Variants in LARGE1 observed in about 807,000 individuals in gnomAD.
The protein encoded by LARGE1 is LARGE xylosyl- and glucuronyltransferase 1.
LARGE1 carries 43 observed loss-of-function variants against 87.6 expected under a neutral mutation model. The ratio of observed to expected loss-of-function variants is 0.49; its 90% CI spans 0.38 to 0.63. LARGE1 has a LOEUF of 0.63. LARGE1 is among the 30% of genes least tolerant of loss of function. The pLI, the probability that LARGE1 is intolerant of heterozygous loss-of-function variation, is 0.00. For synonymous variants in LARGE1, 434 were observed against 394.6 expected (o/e 1.10, Z -1.18); for missense variants, 802 against 1,000.2 (o/e 0.80, Z 2.67).
intron 11 of LARGE1, among the ~76,000 whole-genome samples, chr22:33,308,262 T>C (rs1175894752): frequency 6.6e-6 from 1 of 152,114 alleles, no homozygotes; most frequent in Non-Finnish European, 1.5e-5. Flanking sequence ...GATCACTCAG[T>C]GTCTGCTGGG....
chr22:33,413,985 A>G (rs1438866793), intron 7 of LARGE1, among the ~76,000 whole-genome samples: 1 of 152,192 alleles, frequency 6.6e-6, no homozygotes, highest in Non-Finnish European at 1.5e-5. Context: ...TATTGTGAAT[A>G]ATGTTGGAAT....
chr22:33,881,852 T>C (rs139437704), intron 1 of LARGE1, among the ~76,000 whole-genome samples: 84 of 152,246 alleles, frequency 5.5e-4, no homozygotes, highest in Non-Finnish European at 9.7e-4. Flanking sequence ...CAGTGGCACA[T>C]GGGGCAGGTT....
At chr22:33,843,609 T>C (rs1011483418) in intron 1 of LARGE1, among the ~76,000 whole-genome samples, 35 of 151,464 alleles carry the variant, frequency 2.3e-4, no homozygotes, top group Admixed American at 3.9e-4. Context: ...TCTCCAGAGG[T>C]CCCACCCCTG....
the LARGE1 span, among the ~76,000 whole-genome samples, chr22:33,118,886 G>T: frequency 6.6e-6 from 1 of 152,192 alleles, no homozygotes; most frequent in African/African-American, 2.4e-5. Context: ...CCCTGTGGGA[G>T]GAGGCAATAC....
chr22:33,705,477 T>C lies in LARGE1; in HGVS notation c.107-54809A>G, dbSNP rs979342063. ...CAGATAAGACAGCACTGCTCACGTC[T>C]CTACTTCATTCCAGCATGGAACTAA... On this transcript the variant is annotated intron_variant, in intron 2 of 14. Transcript: ENST00000397394. Among the ~76,000 whole-genome samples the C allele has an allele frequency of 5.9e-5, 9 of 152,260 alleles. 2 individuals are homozygous for C. Among genetic ancestry groups the C allele is most frequent in the Admixed American group, 6.5e-5 (1 of 15,298 alleles).
At chr22:33,799,288 T>C (rs1192470872) in intron 1 of LARGE1, among the ~76,000 whole-genome samples, 2 of 152,082 alleles carry the variant, frequency 1.3e-5, no homozygotes, top group Non-Finnish European at 2.9e-5. Context: ...TGCCCACTGT[T>C]TGATCAGTTA....
At position 33,320,789 on chromosome 22, in the gene LARGE1, C is replaced by G. The variant is rs1936636487; in HGVS notation, c.1288-4541G>C. On this transcript the variant is annotated intron_variant, in intron 10 of 14. Transcript: ENST00000397394. ...GGCTGAAAAGCTTTTGGAGAGCAAA[C>G]AAGCATGTGCCAAGCTCCACGTAAG... The G allele has an allele frequency of 2.0e-5, 3 of 152,192 alleles. No homozygotes were observed. The South Asian group carries it at 6.2e-4, about 32-fold the overall frequency. 9.4% of individuals were successfully genotyped at this position (152,192 alleles called of 1,614,324 possible). A position where few individuals can be genotyped will look rare whatever the true frequency, so the allele number is the denominator to read the frequency against.
At chr22:33,861,482 A>G (rs2063918566) in intron 1 of LARGE1, 1 of 152,310 alleles carries the variant, frequency 6.6e-6, no homozygotes, top group African/African-American at 2.4e-5. Flanking sequence ...GCATATTGCC[A>G]TAGAACAAGC....
At chr22:33,415,488 G>A (rs2066454663) in intron 7 of LARGE1, among the ~76,000 whole-genome samples, 1 of 152,162 alleles carries the variant, frequency 6.6e-6, no homozygotes, top group African/African-American at 2.4e-5. Flanking sequence ...GGAAGCAATG[G>A]TAGAGCAACT....
At chr22:33,765,095 GC>G (rs1314017553) in intron 1 of LARGE1, among the ~76,000 whole-genome samples, 1 of 152,108 alleles carries the variant, frequency 6.6e-6, no homozygotes, top group Non-Finnish European at 1.5e-5. Flanking sequence ...GCATATAGCT[GC>G]TTATGTAATT....
the LARGE1 span, among the ~76,000 whole-genome samples, chr22:33,103,127 T>C: frequency 6.6e-6 from 1 of 151,938 alleles, no homozygotes; most frequent in East Asian, 1.9e-4. Context: ...AGATGACACA[T>C]TCACTTTAAA....
chr22:33,316,029 C>A, intron 11 of LARGE1, 56 bp downstream of exon 11: 2 of 1,586,084 alleles, frequency 1.3e-6, no homozygotes, highest in East Asian at 2.3e-5. Flanking sequence ...CATTCTCTAT[C>A]CTCCATGTAA....
At chr22:33,327,730 C>T (rs1937363206) in intron 10 of LARGE1, among the ~76,000 whole-genome samples, 1 of 152,060 alleles carries the variant, frequency 6.6e-6, no homozygotes, top group Admixed American at 6.6e-5. Context: ...TTCACAGAGA[C>T]GAGGTCTCAC....
chr22:33,414,116 T>C lies in LARGE1; in HGVS notation c.892+18045A>G, dbSNP rs150463145. 5.3e-3 allele frequency among the ~76,000 whole-genome samples: 808 copies of C among 152,292 alleles called. 17 individuals carry two copies. The highest frequency in any genetic ancestry group is 0.036 in the Admixed American group (549 of 15,296). Reference sequence around the variant, plus strand: ...TTTTTAATTTTTGGAGGAACCGCCATACTGTTTTCCATAGTGGCCGCATCA... The same window carrying C: ...TTTTTAATTTTTGGAGGAACCGCCACACTGTTTTCCATAGTGGCCGCATCA... On this transcript the variant is annotated intron_variant, in intron 7 of 14. Transcript: ENST00000397394.
At chr22:33,632,687 A>C (rs1396164238) in intron 3 of LARGE1, among the ~76,000 whole-genome samples, 1 of 152,042 alleles carries the variant, frequency 6.6e-6, no homozygotes, top group Admixed American at 6.6e-5. Flanking sequence ...GTAACTTGCC[A>C]GGACCTGACC....
intron 6 of LARGE1, among the ~76,000 whole-genome samples, chr22:33,471,211 T>G (rs2068828988): frequency 6.6e-6 from 1 of 151,656 alleles, no homozygotes; most frequent in African/African-American, 2.4e-5. Flanking sequence ...TATTTTTAGT[T>G]GAGATATATT....
intron 5 of LARGE1, among the ~76,000 whole-genome samples, chr22:33,571,784 C>T (rs923075946): frequency 6.6e-6 from 1 of 152,070 alleles, no homozygotes; most frequent in Non-Finnish European, 1.5e-5. Flanking sequence ...AACTTTCAGT[C>T]CCCCAGTCCT....
Position 33,272,528 on chromosome 22 carries a change from C to A in LARGE1, c.*1899G>T, listed in dbSNP as rs1188452941. On this transcript the variant is annotated 3_prime_UTR_variant, in exon 15 of 15. Transcript: ENST00000397394. ...ATGTACTTTCAAAATTTTTGTTCTG[C>A]TTTATACATATATGTCACTTTTTAT... 6.6e-6 allele frequency among the ~76,000 whole-genome samples: 1 copy of A among 152,172 alleles called. No individual in the cohort carries two copies. The highest frequency in any genetic ancestry group is 6.5e-5 in the Admixed American group (1 of 15,276).
intron 9 of LARGE1, among the ~76,000 whole-genome samples, chr22:33,372,346 A>G (rs1171726862): frequency 5.9e-5 from 9 of 152,200 alleles, no homozygotes; most frequent in Admixed American, 5.9e-4. Flanking sequence ...TAATTTATAT[A>G]TAATTCTGTA....
Sources: gnomAD v4.1 joint callset for allele counts (sites outside exome capture counted in the v4.1 genomes callset) on GRCh38, gnomAD v4.1.1 for gene constraint, MANE v1.5 for transcripts, NCBI Gene and HGNC (gene_info 2026-07-23, HGNC 2026-07-21) for gene names.